Variants in FANCD2 observed in about 807,000 individuals in gnomAD.
FANCD2 encodes the protein Fanconi anemia group D2 protein.
A neutral mutation model predicts 192.3 loss-of-function variants in FANCD2; 131 were observed. That is an observed-to-expected ratio of 0.68 (90% confidence interval 0.59 to 0.79). The LOEUF is 0.79. Among genes scored for constraint, FANCD2 ranks in the 30% least tolerant of loss-of-function variants. The pLI, the probability that FANCD2 is intolerant of heterozygous loss-of-function variation, is 0.00. For missense variants in FANCD2, 1,508 were observed against 1,701.6 expected, an observed-to-expected ratio of 0.89 and a Z score of 2.00; for synonymous variants, 524 against 612.5, an observed-to-expected ratio of 0.86 and a Z score of 2.13.
At chr3:10,071,131 AAAAAAAAG>A (rs903323857) in intron 26 of FANCD2, among the ~76,000 whole-genome samples, 6 of 150,468 alleles carry the variant, frequency 4.0e-5, no homozygotes, top group East Asian at 1.9e-4. Context: ...TCGATAAAAA[AAAAAAAAG>A]AAAAAAAGAA....
intron 18 of FANCD2, among the ~76,000 whole-genome samples, chr3:10,055,299 T>G (rs980716341): frequency 1.1e-4 from 17 of 152,094 alleles, no homozygotes; most frequent in African/African-American, 3.6e-4. Context: ...AAACAAACTT[T>G]GTACCCATTA....
chr3:10,043,420 C>T, intron 12 of FANCD2, 64 bp from the exon 13 acceptor site: 2 of 1,344,662 alleles, frequency 1.5e-6, no homozygotes, highest in East Asian at 4.6e-5. Context: ...GGCAGGAACT[C>T]CGATCTTGTA....
At chr3:10,081,592 T>G (rs1693838660) in intron 32 of FANCD2, 128 bp downstream of exon 32, 1 of 793,960 alleles carries the variant, frequency 1.3e-6, no homozygotes, top group East Asian at 2.4e-5. Context: ...TTCATTAATT[T>G]TGTGGGAGTG....
rs2086642636 is a variant in FANCD2, at chr3:10,033,080, T to C, written c.205+108T>C. The C allele has an allele frequency of 4.1e-6, 4 of 981,150 alleles. No homozygotes were observed. The South Asian group carries it at 5.6e-5, about 14-fold the overall frequency. 60.8% of individuals were successfully genotyped at this position (981,150 alleles called of 1,614,324 possible). A position where few individuals can be genotyped will look rare whatever the true frequency, so the allele number is the denominator to read the frequency against. On this transcript the variant is annotated intron_variant, in intron 3 of 43. Coordinates refer to ENST00000675286, the MANE Select transcript of FANCD2 (RefSeq NM_001018115.3). ...ATGAAGATTAGAAATCAGAGGGCCATCCATCTTGAGACAAAGTTGAAATTG... is the reference window on the plus strand; with the variant it reads ...ATGAAGATTAGAAATCAGAGGGCCACCCATCTTGAGACAAAGTTGAAATTG...
intron 38 of FANCD2, among the ~76,000 whole-genome samples, 179 bp downstream of exon 38, chr3:10,092,431 ATT>A (rs35070534): frequency 2.1e-5 from 3 of 144,872 alleles, no homozygotes; most frequent in Non-Finnish European, 3.0e-5. Context: ...CTCACTAGGC[ATT>A]TTTTTTTTTG....
At chr3:10,076,189 C>CCACT (rs1693533303) in intron 29 of FANCD2, among the ~76,000 whole-genome samples, 2 of 151,958 alleles carry the variant, frequency 1.3e-5, no homozygotes, top group Admixed American at 1.3e-4. Flanking sequence ...ACTCTGGGGT[C>CCACT]CTGCCCAGAG....
intron 11 of FANCD2, 136 bp downstream of exon 11, chr3:10,042,799 C>T: frequency 1.2e-6 from 1 of 823,092 alleles, no homozygotes. Flanking sequence ...TCAACAGATT[C>T]ATTGATCTAT....
At chr3:10,029,042 G>A (rs1487038591) in intron 2 of FANCD2, among the ~76,000 whole-genome samples, 3 of 152,136 alleles carry the variant, frequency 2.0e-5, no homozygotes, top group South Asian at 2.1e-4. Context: ...AAACTTTATG[G>A]TCTTTCTTCC....
intron 18 of FANCD2, among the ~76,000 whole-genome samples, chr3:10,056,476 A>G (rs1366834758): frequency 1.6e-4 from 24 of 152,118 alleles, no homozygotes; most frequent in Non-Finnish European, 1.5e-5. Flanking sequence ...TATCCTTGCC[A>G]ACATGTATTT....
chr3:10,060,437 G>A (rs1442905513), intron 19 of FANCD2, 34 bp downstream of exon 19: 12 of 1,509,486 alleles, frequency 7.9e-6, no homozygotes, highest in Non-Finnish European at 1.0e-5. Flanking sequence ...TGTGGTTTAA[G>A]ATCAGTTAAT....
rs6792951 is a variant in FANCD2 at position 10,077,919 on chromosome 3, C to A, written c.2860-162C>A. ...CATGGTTGTGTGTGCCTATAGTCCC[C>A]GCTACTCGGGAGGCTGAGATGGGAG... On this transcript the variant is annotated intron_variant, in intron 29 of 43. Transcript: ENST00000675286. Among the ~76,000 whole-genome samples, 35,598 of 151,510 alleles carry A rather than the reference C, an allele frequency of 0.23. 5,560 individuals are homozygous for A. The highest frequency in any genetic ancestry group is 0.45 in the African/African-American group (18,551 of 41,290).
intron 11 of FANCD2, 25 bp downstream of exon 11, chr3:10,042,688 C>CT (rs2086895533): frequency 6.4e-7 from 1 of 1,572,304 alleles, no homozygotes; most frequent in South Asian, 1.1e-5. Context: ...CCCATCACAC[C>CT]TAGATAAAGC....
intron 30 of FANCD2, among the ~76,000 whole-genome samples, chr3:10,078,833 G>A (rs1269035274): frequency 6.6e-6 from 1 of 151,906 alleles, no homozygotes; most frequent in African/African-American, 2.4e-5. Flanking sequence ...CGGGCATGGT[G>A]GTGCAGCTAT....
At chr3:10,076,972 G>C (rs1693574495) in intron 29 of FANCD2, among the ~76,000 whole-genome samples, 1 of 151,986 alleles carries the variant, frequency 6.6e-6, no homozygotes, top group Admixed American at 6.6e-5. Flanking sequence ...GCTGGTCTCA[G>C]ACTCCTGACC....
At chr3:10,047,144 G>C (rs1252305187) in intron 15 of FANCD2, among the ~76,000 whole-genome samples, 1 of 152,298 alleles carries the variant, frequency 6.6e-6, no homozygotes, top group East Asian at 1.9e-4. Context: ...TAGAAAACTG[G>C]ATGGGCCAGT....
intron 22 of FANCD2, 102 bp from the exon 23 acceptor site, chr3:10,064,627 C>T (rs2087663476): frequency 1.5e-6 from 2 of 1,350,556 alleles, no homozygotes; most frequent in South Asian, 2.3e-5. Flanking sequence ...CTTCTAATTT[C>T]TCCCCATGAT....
intron 29 of FANCD2, among the ~76,000 whole-genome samples, chr3:10,076,253 A>G (rs1446679880): frequency 2.0e-5 from 3 of 151,590 alleles, no homozygotes; most frequent in Admixed American, 6.6e-5. Context: ...TATTTAATGA[A>G]CAGACAAAAG....
chr3:10,068,758 A>G (rs2087788455), intron 26 of FANCD2, among the ~76,000 whole-genome samples: 1 of 152,192 alleles, frequency 6.6e-6, no homozygotes, highest in Admixed American at 6.5e-5. Flanking sequence ...CTACAGAGCT[A>G]TAGTAACCAA....
At chr3:10,064,603 G>T (rs1354237847) in intron 22 of FANCD2, 126 bp from the exon 23 acceptor site, 7 of 1,329,534 alleles carry the variant, frequency 5.3e-6, no homozygotes, top group Non-Finnish European at 7.6e-6. Flanking sequence ...TTCCTAAAAG[G>T]TTCACTGTTT....
Sources: allele counts gnomAD v4.1 joint callset (sites outside exome capture counted in the v4.1 genomes callset), GRCh38; gene constraint gnomAD v4.1.1; transcripts MANE v1.5; gene names NCBI Gene and HGNC (gene_info 2026-07-23, HGNC 2026-07-21).